The following FOXJ3 variants were observed in gnomAD, a reference collection of about 807,000 sequenced individuals.
FOXJ3 encodes forkhead box protein J3.
A neutral mutation model predicts 76.1 loss-of-function variants in FOXJ3; 22 were observed. The ratio of observed to expected loss-of-function variants is 0.29; its 90% CI spans 0.21 to 0.41. The LOEUF (loss-of-function observed/expected upper bound fraction) is 0.41, where lower values mean the gene tolerates loss of function less well. Ranked by LOEUF, FOXJ3 falls within the 10% of genes least tolerant of loss-of-function variation. The pLI, the probability that FOXJ3 is intolerant of heterozygous loss-of-function variation, is 1.00. For missense variants in FOXJ3, 613 were observed against 762.1 expected (o/e 0.80, Z 2.30); for synonymous variants, 269 against 261.2 (o/e 1.03, Z -0.29).
chr1:42,289,104 A>AT (rs1653251262), intron 2 of FOXJ3, among the ~76,000 whole-genome samples: 1 of 151,992 alleles, frequency 6.6e-6, no homozygotes, highest in Non-Finnish European at 1.5e-5. Context: ...TTAAGCACTA[A>AT]TTTTTTAAGG....
upstream of FOXJ3, chr1:42,335,482 G>T (rs573012284): frequency 4.6e-4 from 70 of 152,486 alleles, no homozygotes; most frequent in African/African-American, 1.7e-3. Flanking sequence ...TGGCGTCTGG[G>T]AGCAAAGGCG....
chr1:42,276,407 C>T (rs767211864), intron 3 of FOXJ3, among the ~76,000 whole-genome samples: 2 of 151,976 alleles, frequency 1.3e-5, no homozygotes, highest in Non-Finnish European at 2.9e-5. Context: ...GTAATAATTG[C>T]TACCGTTATA....
chr1:42,220,103 T>A (rs576458951), intron 5 of FOXJ3, among the ~76,000 whole-genome samples: 72 of 152,248 alleles, frequency 4.7e-4, no homozygotes, highest in African/African-American at 1.5e-3. Context: ...AGAAACACAG[T>A]AAATATCTGA....
intron 11 of FOXJ3, among the ~76,000 whole-genome samples, chr1:42,183,263 G>A (rs1646361105): frequency 7.5e-6 from 1 of 133,660 alleles, no homozygotes; most frequent in East Asian, 2.4e-4. Flanking sequence ...CAAAAGAGAA[G>A]AGAGAGGAGA....
At chr1:42,300,639 A>T (rs1654082018) in intron 2 of FOXJ3, among the ~76,000 whole-genome samples, 1 of 151,988 alleles carries the variant, frequency 6.6e-6, no homozygotes, top group Non-Finnish European at 1.5e-5. Flanking sequence ...TTAGCCGGGC[A>T]TGGTGGCATG....
At chr1:42,219,434 A>G (rs1647135396) in intron 5 of FOXJ3, among the ~76,000 whole-genome samples, 1 of 152,214 alleles carries the variant, frequency 6.6e-6, no homozygotes, top group African/African-American at 2.4e-5. Context: ...AGGGTTCAGT[A>G]CTATCTGGTT....
At chr1:42,287,376 T>TA (rs370320791) in intron 2 of FOXJ3, among the ~76,000 whole-genome samples, 45 of 152,164 alleles carry the variant, frequency 3.0e-4, no homozygotes, top group African/African-American at 1.1e-3. Context: ...TGATCTAAAT[T>TA]ACCCTTGCTA....
intron 2 of FOXJ3, among the ~76,000 whole-genome samples, chr1:42,294,812 T>C (rs1653679927): frequency 6.7e-6 from 1 of 148,802 alleles, no homozygotes; most frequent in Non-Finnish European, 1.5e-5. Context: ...AATGGCTATG[T>C]GTAAGAAAAT....
intron 12 of FOXJ3, among the ~76,000 whole-genome samples, chr1:42,180,631 T>C (rs1431043301): frequency 6.6e-6 from 1 of 152,252 alleles, no homozygotes; most frequent in Non-Finnish European, 1.5e-5. Flanking sequence ...GCTACTCATT[T>C]TTCTCATATG....
intron 5 of FOXJ3, among the ~76,000 whole-genome samples, chr1:42,223,595 C>T (rs1647317883): frequency 6.6e-6 from 1 of 152,206 alleles, no homozygotes. Flanking sequence ...TTACTAGTCT[C>T]AAAGTCTCAT....
chr1:42,313,888 T>C (rs1054666851), intron 1 of FOXJ3, among the ~76,000 whole-genome samples: 5 of 152,362 alleles, frequency 3.3e-5, no homozygotes, highest in African/African-American at 9.6e-5. Context: ...TGCCTGAAGG[T>C]AGATAGATCT....
intron 2 of FOXJ3, among the ~76,000 whole-genome samples, chr1:42,285,491 A>G (rs948803947): frequency 2.0e-4 from 30 of 152,276 alleles, no homozygotes; most frequent in African/African-American, 7.2e-4. Context: ...AAAATTTTTA[A>G]GCTAACTACA....
intron 3 of FOXJ3, among the ~76,000 whole-genome samples, chr1:42,271,638 T>C (rs1415299095): frequency 1.3e-5 from 2 of 152,112 alleles, no homozygotes; most frequent in Non-Finnish European, 2.9e-5. Context: ...GTGAATACCA[T>C]GAAATTTTAT....
chr1:42,311,525 C>T (rs968511797), intron 1 of FOXJ3, among the ~76,000 whole-genome samples: 7 of 152,104 alleles, frequency 4.6e-5, no homozygotes, highest in Non-Finnish European at 1.0e-4. Context: ...AAGGTTCCAA[C>T]CCCCAAGTAA....
At chr1:42,269,748 A>T (rs930679154) in intron 3 of FOXJ3, among the ~76,000 whole-genome samples, 1 of 152,028 alleles carries the variant, frequency 6.6e-6, no homozygotes, top group Non-Finnish European at 1.5e-5. Context: ...AACATCCTTA[A>T]CTCCTGTCTC....
At position 42,178,100 on chromosome 1, in the gene FOXJ3, C is replaced by T. The variant is rs2124069945; in HGVS notation, c.*1610G>A. 6.6e-6 allele frequency: 1 copy of T among 152,060 alleles called. No individual in the cohort carries two copies. The highest frequency in any genetic ancestry group is 2.1e-4 in the South Asian group (1 of 4,784). 9.4% of individuals were successfully genotyped at this position (152,060 alleles called of 1,614,324 possible). A position where few individuals can be genotyped will look rare whatever the true frequency, so the allele number is the denominator to read the frequency against. On this transcript the variant is annotated 3_prime_UTR_variant, in exon 13 of 13. Coordinates refer to ENST00000361346, the MANE Select transcript of FOXJ3 (RefSeq NM_014947.5). ...ATGCAAACTGTGATATGATATGAAA[C>T]AAAACAAACCACCACCACTAAAAAA...
chr1:42,194,054 C>A (rs1646602551), intron 8 of FOXJ3, among the ~76,000 whole-genome samples: 1 of 152,230 alleles, frequency 6.6e-6, no homozygotes, highest in African/African-American at 2.4e-5. Flanking sequence ...ACTTCCCAAC[C>A]TCCCAAACTG....
intron 4 of FOXJ3, among the ~76,000 whole-genome samples, chr1:42,248,265 T>C (rs1001983627): frequency 3.9e-5 from 6 of 152,190 alleles, no homozygotes; most frequent in African/African-American, 7.2e-5. Flanking sequence ...CCGGGCGTGG[T>C]GGCTCATGCC....
rs138785519 is a variant in FOXJ3, at chr1:42,307,944, C to A, written c.44+3106G>T. Among the ~76,000 whole-genome samples, 707 of 152,294 alleles carry A rather than the reference C, an allele frequency of 4.6e-3. 1 individual carries two copies. Among genetic ancestry groups the A allele is most frequent in the Middle Eastern group, 0.01 (3 of 294 alleles). ...AGGATCCACTATCATCCACAGAAAA[C>A]AATACTTGTTTACCTTACCCAAAAT... On this transcript the variant is annotated intron_variant, in intron 2 of 12. Transcript: ENST00000361346.
Sources: gnomAD v4.1 joint callset for allele counts (sites outside exome capture counted in the v4.1 genomes callset) on GRCh38, gnomAD v4.1.1 for gene constraint, MANE v1.5 for transcripts, NCBI Gene and HGNC (gene_info 2026-07-23, HGNC 2026-07-21) for gene names.